SERF2: variants seen among roughly 807,000 people sequenced by gnomAD.
SERF2 encodes gastric cancer-related protein VRG107.
In SERF2, 4 loss-of-function variants were observed where a neutral mutation model predicts 10.7. That is an observed-to-expected ratio of 0.37 (90% confidence interval 0.18 to 0.86). The LOEUF (loss-of-function observed/expected upper bound fraction) is 0.86, where lower values mean the gene tolerates loss of function less well. Ranked by LOEUF, SERF2 falls within the 40% of genes least tolerant of loss-of-function variation. SERF2 has a pLI of 0.43. For missense variants in SERF2, 47 were observed against 79.1 expected, an observed-to-expected ratio of 0.59 and a Z score of 1.54; for synonymous variants, 26 against 26.0, an observed-to-expected ratio of 1.00 and a Z score of 0.01.
In SERF2 at chr15:43,795,755, G is replaced by T; in HGVS notation, c.*1982G>T. 6.2e-7 allele frequency: 1 copy of T among 1,612,628 alleles called. No homozygotes were observed. The highest frequency in any genetic ancestry group is 1.1e-5 in the South Asian group (1 of 90,958). ...AGGGCTTCTGCAAAACAGAACGCAGGTTTTGGAATGGTCTTAAAAGATGTG... is the reference window on the plus strand; with the variant it reads ...AGGGCTTCTGCAAAACAGAACGCAGTTTTTGGAATGGTCTTAAAAGATGTG... On this transcript the variant is annotated 3_prime_UTR_variant, in exon 3 of 3. Coordinates refer to ENST00000249786, the MANE Select transcript of SERF2 (RefSeq NM_001018108.4).
At chr15:43,790,929 AT>A (rs1352371011), upstream of SERF2, among the ~76,000 whole-genome samples, 190 of 136,024 alleles carry the variant, frequency 1.4e-3, no homozygotes, top group Non-Finnish European at 1.6e-3. Flanking sequence ...ACACCCAGCT[AT>A]TTTTTTTTTT....
At chr15:43,791,762 A>G (rs2087064375), upstream of SERF2, 1 of 154,300 alleles carries the variant, frequency 6.5e-6, no homozygotes, top group Non-Finnish European at 1.5e-5. Context: ...TGTTGCTGCG[A>G]TTTTCTACAG....
chr15:43,792,360 G>A lies in SERF2; in HGVS notation c.-17G>A, dbSNP rs376142346. 6.2e-7 allele frequency: 1 copy of A among 1,605,970 alleles called. No individual in the cohort carries two copies. The highest frequency in any genetic ancestry group is 8.5e-7 in the Non-Finnish European group (1 of 1,172,700). ...GAGGGGACGTAACGGAGGCAGGTTGGAGCCGCTGCCGTCGCCATGACCCGT... is the reference window on the plus strand; with the variant it reads ...GAGGGGACGTAACGGAGGCAGGTTGAAGCCGCTGCCGTCGCCATGACCCGT... On this transcript the variant is annotated 5_prime_UTR_variant, in exon 1 of 3. Coordinates refer to ENST00000249786, the MANE Select transcript of SERF2 (RefSeq NM_001018108.4).
chr15:43,780,265 G>A lies in SERF2; in HGVS notation c.-527+2763G>A, dbSNP rs559674927. Among the ~76,000 whole-genome samples the A allele has an allele frequency of 9.2e-5, 14 of 152,012 alleles. No individual in the cohort carries two copies. In the South Asian group the frequency reaches 2.3e-3, roughly 25 times the overall value. ...CGCCATTCTCCTGCCTCAGCCTCCC[G>A]AGTAGCTGAGACTACAGGCGCCCGC... On this transcript the variant is annotated intron_variant, in intron 1 of 4. Transcript: ENST00000381359.
At chr15:43,785,712 T>C (rs545091773) in intron 2 of SERF2, among the ~76,000 whole-genome samples, 16 of 149,752 alleles carry the variant, frequency 1.1e-4, no homozygotes, top group African/African-American at 3.7e-4. Flanking sequence ...TTCTTTTTTT[T>C]TTTTTTTTTT....
intron 2 of SERF2, 177 bp downstream of exon 2, chr15:43,793,260 T>C: frequency 3.4e-6 from 2 of 589,384 alleles, no homozygotes; most frequent in Non-Finnish European, 6.1e-6. Flanking sequence ...CTCACAGCCT[T>C]ACAGGAAAGG....
At chr15:43,777,192 A>G (rs1198431568) in exon 1 of SERF2, 1 of 597,518 alleles carries the variant, frequency 1.7e-6, no homozygotes, top group Admixed American at 2.2e-5. Context: ...CGGGAGAAAG[A>G]GTCCGCGACC....
intron 2 of SERF2, 33 bp from the exon 3 acceptor site, chr15:43,793,677 T>C: frequency 6.2e-7 from 1 of 1,614,144 alleles, no homozygotes; most frequent in South Asian, 1.1e-5. Flanking sequence ...TGCCCTCTGG[T>C]ACCTCCCAGT....
upstream of SERF2, chr15:43,792,057 A>G (rs1374452387): frequency 1.0e-5 from 5 of 500,484 alleles, no homozygotes; most frequent in South Asian, 2.3e-5. Context: ...GGAGCGCCAC[A>G]TCGCCAGCCG....
chr15:43,790,586 GA>G (rs1303968257), upstream of SERF2, among the ~76,000 whole-genome samples: 2 of 151,316 alleles, frequency 1.3e-5, no homozygotes, highest in African/African-American at 4.9e-5. Context: ...CAACATGATG[GA>G]ATCCCATCTC....
At chr15:43,781,047 AT>A (rs1238056571) in intron 1 of SERF2, among the ~76,000 whole-genome samples, 1 of 152,058 alleles carries the variant, frequency 6.6e-6, no homozygotes, top group Non-Finnish European at 1.5e-5. Context: ...CTACTCTTGC[AT>A]TTTGGGCTCA....
upstream of SERF2, chr15:43,791,994 C>G (rs1398510418): frequency 2.8e-6 from 1 of 355,450 alleles, no homozygotes; most frequent in East Asian, 5.6e-5. Flanking sequence ...TGTCAGTACC[C>G]CAAACTGTCC....
At position 43,795,642 on chromosome 15, in the gene SERF2, T is replaced by G. The variant is rs769363902; in HGVS notation, c.*1869T>G. The G allele has an allele frequency of 1.9e-6, 3 of 1,610,426 alleles. No homozygotes were observed. The highest frequency in any genetic ancestry group is 1.7e-4 in the Middle Eastern group (1 of 6,052). ...AGGCTCTTGAGGGTTCTTATGGCAC[T>G]CCACAGAGATCTACCACTTCTTATG... On this transcript the variant is annotated 3_prime_UTR_variant, in exon 3 of 3. Coordinates refer to ENST00000249786, the MANE Select transcript of SERF2 (RefSeq NM_001018108.4).
chr15:43,785,420 T>C (rs2086998734), exon 2 of SERF2: 1 of 152,042 alleles, frequency 6.6e-6, no homozygotes, highest in South Asian at 2.1e-4. Flanking sequence ...AGACATAGTC[T>C]TGCTCTGTTA....
upstream of SERF2, chr15:43,791,835 G>A (rs969917374): frequency 1.9e-5 from 3 of 158,426 alleles, no homozygotes; most frequent in African/African-American, 7.2e-5. Context: ...GTTTGTACTT[G>A]ATTTTAAGCG....
intron 1 of SERF2, among the ~76,000 whole-genome samples, chr15:43,785,170 G>A (rs2086996289): frequency 6.6e-6 from 1 of 150,698 alleles, no homozygotes; most frequent in African/African-American, 2.4e-5. Context: ...CTAGGTTCAA[G>A]CTATTCTCCT....
At chr15:43,789,147 T>TAAAAAAA (rs59711546), upstream of SERF2, among the ~76,000 whole-genome samples, 1 of 127,560 alleles carries the variant, frequency 7.8e-6, no homozygotes, top group African/African-American at 2.8e-5. Flanking sequence ...AGACTCTGTC[T>TAAAAAAA]AAAAAAAAAA....
At chr15:43,792,606 C>T in intron 1 of SERF2, 2 of 1,441,362 alleles carry the variant, frequency 1.4e-6, no homozygotes, top group Non-Finnish European at 1.8e-6. Flanking sequence ...CCGGATCTTC[C>T]GCGGTGTAAG....
chr15:43,795,796 G>C lies in SERF2; in HGVS notation c.*2023G>C. The C allele has an allele frequency of 6.4e-7, 1 of 1,556,286 alleles. No homozygotes were observed. Among genetic ancestry groups the C allele is most frequent in the Non-Finnish European group, 8.8e-7 (1 of 1,139,620 alleles). On this transcript the variant is annotated 3_prime_UTR_variant, in exon 3 of 3. Transcript: ENST00000249786. ...AAAAGATGTGAGGGTGTTAATCTAGGAAACTTCCCCCGTGAAAAGATTGGT... is the reference window on the plus strand; with the variant it reads ...AAAAGATGTGAGGGTGTTAATCTAGCAAACTTCCCCCGTGAAAAGATTGGT...
Sources: allele counts gnomAD v4.1 joint callset (sites outside exome capture counted in the v4.1 genomes callset), GRCh38; gene constraint gnomAD v4.1.1; transcripts MANE v1.5; gene names NCBI Gene and HGNC (gene_info 2026-07-23, HGNC 2026-07-21).